ANTXR2: variants seen among roughly 807,000 people sequenced by gnomAD.
The protein encoded by ANTXR2 is anthrax toxin receptor 2.
A neutral mutation model predicts 73.7 loss-of-function variants in ANTXR2; 44 were observed. The ratio of observed to expected loss-of-function variants is 0.60; its 90% CI spans 0.47 to 0.77. The LOEUF is 0.77. Among genes scored for constraint, ANTXR2 ranks in the 30% least tolerant of loss-of-function variants. The pLI is 0.00. For missense variants in ANTXR2, 604 were observed against 592.5 expected (o/e 1.02, Z -0.20); for synonymous variants, 217 against 205.9 (o/e 1.05, Z -0.46).
At chr4:79,956,115 T>C (rs1280880147) in intron 16 of ANTXR2, among the ~76,000 whole-genome samples, 1 of 152,178 alleles carries the variant, frequency 6.6e-6, no homozygotes, top group East Asian at 1.9e-4. Flanking sequence ...AATTCCTTAT[T>C]CTGTATAAAC....
rs1726932191 is a variant in ANTXR2, at chr4:79,906,878, C to T, written c.*551G>A. On this transcript the variant is annotated 3_prime_UTR_variant, in exon 17 of 17. Transcript: ENST00000403729. Reference sequence around the variant, plus strand: ...TTCCAGTCAGAAACTTCCCATAAGGCACACTGTGATAGAGCACTTGGAAGG... The same window carrying T: ...TTCCAGTCAGAAACTTCCCATAAGGTACACTGTGATAGAGCACTTGGAAGG... The T allele has an allele frequency of 6.5e-6, 1 of 153,822 alleles. No individual in the cohort carries two copies. The highest frequency in any genetic ancestry group is 2.4e-5 in the African/African-American group (1 of 41,462). The allele number at this position is 153,822 out of a possible 1,614,324, so 9.5% of individuals were successfully genotyped here. A position where few individuals can be genotyped will look rare whatever the true frequency, so the allele number is the denominator to read the frequency against.
chr4:80,052,992 A>C (rs1184897341), intron 7 of ANTXR2, among the ~76,000 whole-genome samples: 1 of 151,570 alleles, frequency 6.6e-6, no homozygotes, highest in Non-Finnish European at 1.5e-5. Context: ...AAAAATCCAA[A>C]GGAATAGCCC....
At chr4:80,016,143 C>T (rs2110066012) in intron 11 of ANTXR2, among the ~76,000 whole-genome samples, 1 of 151,870 alleles carries the variant, frequency 6.6e-6, no homozygotes, top group Non-Finnish European at 1.5e-5. Flanking sequence ...AAATATAATC[C>T]ATTTTCTTTC....
At chr4:80,000,718 G>A (rs140897645) in intron 12 of ANTXR2, among the ~76,000 whole-genome samples, 1 of 152,214 alleles carries the variant, frequency 6.6e-6, no homozygotes, top group East Asian at 1.9e-4. Context: ...GGATGTTTCT[G>A]ACTTTGACAT....
At position 79,905,767 on chromosome 4, in the gene ANTXR2, C is replaced by T. The variant is rs11557907; in HGVS notation, c.*1662G>A. The T allele has an allele frequency of 1.3e-5, 2 of 152,536 alleles. No individual in the cohort carries two copies. Among genetic ancestry groups the T allele is most frequent in the African/African-American group, 4.8e-5 (2 of 41,418 alleles). The allele number at this position is 152,536 out of a possible 1,614,324, so 9.4% of individuals were successfully genotyped here. ...CACCAACCAACAGAATACTCCCGTC[C>T]TTTGAAATTTCCATTAAGAGCACAA... On this transcript the variant is annotated 3_prime_UTR_variant, in exon 17 of 17. Coordinates refer to ENST00000403729, the MANE Select transcript of ANTXR2 (RefSeq NM_058172.6).
intron 7 of ANTXR2, among the ~76,000 whole-genome samples, chr4:80,043,729 G>A (rs1229416877): frequency 6.6e-6 from 1 of 151,954 alleles, no homozygotes; most frequent in Non-Finnish European, 1.5e-5. Context: ...TCCAGATCCA[G>A]CCGTAAGAGT....
chr4:79,982,730 G>T (rs1729942198), intron 14 of ANTXR2, among the ~76,000 whole-genome samples: 1 of 152,132 alleles, frequency 6.6e-6, no homozygotes, highest in Non-Finnish European at 1.5e-5. Flanking sequence ...TGGATAATTG[G>T]CAATGAGGTA....
intron 10 of ANTXR2, among the ~76,000 whole-genome samples, chr4:80,020,713 T>C (rs1318782701): frequency 6.6e-6 from 1 of 152,218 alleles, no homozygotes; most frequent in Non-Finnish European, 1.5e-5. Flanking sequence ...TGTGTTTTTT[T>C]TCTCAATGTG....
intron 7 of ANTXR2, among the ~76,000 whole-genome samples, chr4:80,049,359 T>C (rs534571557): frequency 6.6e-6 from 1 of 151,914 alleles, no homozygotes; most frequent in Admixed American, 6.6e-5. Flanking sequence ...AAATTTCATT[T>C]TCAAATATAA....
intron 12 of ANTXR2, among the ~76,000 whole-genome samples, chr4:79,999,105 T>C (rs538290412): frequency 5.2e-4 from 79 of 152,160 alleles, no homozygotes; most frequent in Admixed American, 1.6e-3. Context: ...GCTGACCAGA[T>C]CTTCTATGGC....
chr4:80,050,479 T>C (rs1195125031), intron 7 of ANTXR2, among the ~76,000 whole-genome samples: 1 of 151,686 alleles, frequency 6.6e-6, no homozygotes, highest in African/African-American at 2.4e-5. Context: ...CCTGGGTTAG[T>C]TTCCTGCCAT....
At chr4:79,996,063 T>C (rs929326632) in intron 12 of ANTXR2, among the ~76,000 whole-genome samples, 1 of 151,970 alleles carries the variant, frequency 6.6e-6, no homozygotes, top group Non-Finnish European at 1.5e-5. Flanking sequence ...TTATCCTCAT[T>C]TTAAATATAA....
At chr4:80,002,798 A>G (rs527279996) in intron 12 of ANTXR2, among the ~76,000 whole-genome samples, 1 of 151,884 alleles carries the variant, frequency 6.6e-6, no homozygotes, top group East Asian at 1.9e-4. Flanking sequence ...CAGCCAAAAA[A>G]CACATGAAAA....
intron 7 of ANTXR2, among the ~76,000 whole-genome samples, chr4:80,050,747 G>A (rs62298644): frequency 0.13 from 19,741 of 151,362 alleles, 2,714 homozygotes; most frequent in East Asian, 0.71. Flanking sequence ...TCCTTTCATC[G>A]TGTCTCACAA....
chr4:79,990,687 CA>C (rs1483175995), intron 12 of ANTXR2, among the ~76,000 whole-genome samples: 1 of 151,866 alleles, frequency 6.6e-6, no homozygotes, highest in Non-Finnish European at 1.5e-5. Flanking sequence ...CTATCCTAAG[CA>C]AAAAGAAAAA....
At chr4:80,009,148 A>G (rs1204565705) in intron 11 of ANTXR2, among the ~76,000 whole-genome samples, 1 of 152,242 alleles carries the variant, frequency 6.6e-6, no homozygotes, top group Non-Finnish European at 1.5e-5. Flanking sequence ...TCATGCATTC[A>G]TAAATCAGAT....
intron 10 of ANTXR2, among the ~76,000 whole-genome samples, chr4:80,026,349 C>T (rs1019285020): frequency 5.3e-5 from 8 of 152,114 alleles, no homozygotes; most frequent in African/African-American, 1.9e-4. Context: ...ACTAAGTTTC[C>T]TGAGGCTTCC....
intron 16 of ANTXR2, among the ~76,000 whole-genome samples, chr4:79,965,900 A>G (rs1013326028): frequency 6.6e-6 from 1 of 152,202 alleles, no homozygotes; most frequent in African/African-American, 2.4e-5. Context: ...TACATTTTCA[A>G]AGGGCAATGG....
At chr4:79,934,666 A>G (rs1206929703) in intron 16 of ANTXR2, among the ~76,000 whole-genome samples, 1 of 152,176 alleles carries the variant, frequency 6.6e-6, no homozygotes, top group Non-Finnish European at 1.5e-5. Context: ...GAATTATGTG[A>G]ATGTGCATGA....
Sources: allele counts gnomAD v4.1 joint callset (sites outside exome capture counted in the v4.1 genomes callset), GRCh38; gene constraint gnomAD v4.1.1; transcripts MANE v1.5; gene names NCBI Gene and HGNC (gene_info 2026-07-23, HGNC 2026-07-21).